Variants in VPS54 observed in about 807,000 individuals in gnomAD.
VPS54 encodes the protein VPS54 subunit of GARP complex.
VPS54 carries 45 observed loss-of-function variants against 121.5 expected under a neutral mutation model. The ratio of observed to expected loss-of-function variants is 0.37; its 90% CI spans 0.29 to 0.47. The LOEUF is 0.47. VPS54 is among the 20% of genes least tolerant of loss of function. VPS54 has a pLI of 0.99. For missense variants in VPS54, 1,090 were observed against 1,131.4 expected (o/e 0.96, Z 0.52); for synonymous variants, 371 against 385.8 (o/e 0.96, Z 0.45).
intron 16 of VPS54, among the ~76,000 whole-genome samples, chr2:63,916,305 C>T (rs889163108): frequency 1.3e-5 from 2 of 151,762 alleles, no homozygotes; most frequent in African/African-American, 4.8e-5. Context: ...TAGTACTAGA[C>T]AAAAAAAGAT....
chr2:63,974,956 A>G, intron 3 of VPS54: 3 of 1,540,940 alleles, frequency 1.9e-6, no homozygotes, highest in African/African-American at 1.4e-5. Flanking sequence ...AGACAATGTT[A>G]AAAGAAACAG....
At chr2:63,959,721 T>A (rs1052646025) in intron 7 of VPS54, among the ~76,000 whole-genome samples, 1 of 151,932 alleles carries the variant, frequency 6.6e-6, no homozygotes, top group Non-Finnish European at 1.5e-5. Context: ...ACTCCGTTTC[T>A]ACTAAAAATA....
intron 20 of VPS54, among the ~76,000 whole-genome samples, chr2:63,907,344 C>T (rs904685321): frequency 6.6e-6 from 1 of 151,748 alleles, no homozygotes; most frequent in African/African-American, 2.4e-5. Context: ...CATGGAGAAA[C>T]CTCGTCTCTA....
At chr2:63,945,556 A>T (rs1674940478) in intron 9 of VPS54, among the ~76,000 whole-genome samples, 1 of 152,216 alleles carries the variant, frequency 6.6e-6, no homozygotes, top group African/African-American at 2.4e-5. Context: ...AAAAAATTTT[A>T]AAGGCTCTTA....
At position 63,893,201 on chromosome 2, in the gene VPS54, G is replaced by A; in HGVS notation, c.*229C>T. On this transcript the variant is annotated 3_prime_UTR_variant, in exon 23 of 23. Transcript: ENST00000272322. ...TCTGTTTCCAGAGAGAATGAAAAAT[G>A]TTATAGACACCTGATCAGTTACTCC... 1 of 573,262 alleles carries A rather than the reference G, an allele frequency of 1.7e-6. No individual in the cohort carries two copies. 35.5% of individuals were successfully genotyped at this position (573,262 alleles called of 1,614,324 possible). A position where few individuals can be genotyped will look rare whatever the true frequency, so the allele number is the denominator to read the frequency against.
At chr2:63,962,473 T>A in intron 6 of VPS54, 30 bp from the exon 7 acceptor site, 1 of 1,567,090 alleles carries the variant, frequency 6.4e-7, no homozygotes, top group Non-Finnish European at 8.6e-7. Context: ...AAATATGAAG[T>A]ACTATGAGCA....
intron 7 of VPS54, 61 bp downstream of exon 7, chr2:63,961,997 C>T: frequency 6.9e-7 from 1 of 1,446,868 alleles, no homozygotes; most frequent in Non-Finnish European, 9.2e-7. Context: ...ACATTACATG[C>T]TCAATTTTAT....
intron 4 of VPS54, among the ~76,000 whole-genome samples, chr2:63,971,939 C>G (rs1424877933): frequency 6.6e-6 from 1 of 152,088 alleles, no homozygotes; most frequent in African/African-American, 2.4e-5. Context: ...AGGAACATAC[C>G]AACCACGAAG....
Position 63,893,394 on chromosome 2 carries a change from A to G in VPS54, c.*36T>C. On this transcript the variant is annotated 3_prime_UTR_variant, in exon 23 of 23. Transcript: ENST00000272322. ...ATTTTCTTCATAACAAACACATCCC[A>G]TGGTCAGATGAACTACCCAGTTTTC... 6.5e-7 allele frequency: 1 copy of G among 1,541,754 alleles called. No individual in the cohort carries two copies. The highest frequency in any genetic ancestry group is 9.0e-7 in the Non-Finnish European group (1 of 1,114,324).
chr2:63,928,317 T>A lies in VPS54; in HGVS notation c.1739+5356A>T, dbSNP rs565441750. On this transcript the variant is annotated intron_variant, in intron 12 of 22. Transcript: ENST00000272322. ...CCATCAGACTAACAGCGGATGTCTC[T>A]GCAGAAATCCTAGAAGCCAGAAGAG... Among the ~76,000 whole-genome samples, 178 of 152,334 alleles carry A rather than the reference T, an allele frequency of 1.2e-3. 1 individual carries two copies. The highest frequency in any genetic ancestry group is 3.0e-3 in the African/African-American group (125 of 41,584).
At chr2:63,906,766 T>C (rs1021873480) in intron 20 of VPS54, among the ~76,000 whole-genome samples, 11 of 152,300 alleles carry the variant, frequency 7.2e-5, no homozygotes, top group African/African-American at 2.6e-4. Context: ...GACCCAATAA[T>C]GTCAATTTCA....
intron 1 of VPS54, among the ~76,000 whole-genome samples, chr2:63,989,588 G>A (rs1032710842): frequency 1.3e-5 from 2 of 152,078 alleles, no homozygotes; most frequent in East Asian, 1.9e-4. Flanking sequence ...CTAAGTGCAC[G>A]TGGGAACCCG....
At chr2:63,974,994 T>C (rs1266298793) in intron 3 of VPS54, 2 of 1,549,988 alleles carry the variant, frequency 1.3e-6, no homozygotes, top group Non-Finnish European at 1.7e-6. Context: ...ACCTTGATCC[T>C]GTTCTTAGTG....
intron 13 of VPS54, 107 bp from the exon 14 acceptor site, chr2:63,920,734 A>T (rs1320211555): frequency 1.7e-6 from 1 of 600,396 alleles, no homozygotes; most frequent in East Asian, 4.2e-5. Context: ...TATTTTAATA[A>T]TATTTCCCAA....
At chr2:63,905,335 C>A (rs756028487) in intron 20 of VPS54, among the ~76,000 whole-genome samples, 4 of 151,978 alleles carry the variant, frequency 2.6e-5, no homozygotes, top group Non-Finnish European at 5.9e-5. Flanking sequence ...AACATCATTA[C>A]CAATATCATG....
At chr2:63,932,883 GT>G (rs1674279198) in intron 12 of VPS54, among the ~76,000 whole-genome samples, 1 of 152,034 alleles carries the variant, frequency 6.6e-6, no homozygotes, top group South Asian at 2.1e-4. Context: ...TTGTATCAAT[GT>G]TTCCTTGTAT....
At chr2:63,941,698 C>T (rs975138637) in intron 11 of VPS54, among the ~76,000 whole-genome samples, 12 of 152,006 alleles carry the variant, frequency 7.9e-5, no homozygotes, top group Non-Finnish European at 1.3e-4. Flanking sequence ...ACACATGATG[C>T]TTGATTGGAT....
At chr2:63,898,804 T>TA (rs989392496) in intron 21 of VPS54, among the ~76,000 whole-genome samples, 27 of 147,122 alleles carry the variant, frequency 1.8e-4, no homozygotes, top group African/African-American at 6.0e-4. Context: ...ACAAAACTGG[T>TA]AAAAAAGGGA....
chr2:63,962,992 G>A (rs6705018), intron 6 of VPS54, among the ~76,000 whole-genome samples: 4,541 of 152,146 alleles, frequency 0.03, 238 homozygotes, highest in African/African-American at 0.1. Context: ...TAGTTACTAA[G>A]TAGCAAAACT....
Sources: allele counts gnomAD v4.1 joint callset (sites outside exome capture counted in the v4.1 genomes callset), GRCh38; gene constraint gnomAD v4.1.1; transcripts MANE v1.5; gene names NCBI Gene and HGNC (gene_info 2026-07-23, HGNC 2026-07-21).